The following DIP2C variants were observed in gnomAD, a reference collection of about 807,000 sequenced individuals.
DIP2C encodes the protein DIP2 acetate--CoA ligase C (putative).
Under a neutral mutation model 192.4 loss-of-function variants are expected in DIP2C, and 33 were observed. That is an observed-to-expected ratio of 0.17 (90% CI 0.13 to 0.23). The LOEUF is 0.23. DIP2C is among the 10% of genes least tolerant of loss of function. The pLI is 1.00. For missense variants in DIP2C, 1,537 were observed against 2,110.1 expected (o/e 0.73, Z 5.32); for synonymous variants, 979 against 864.1 (o/e 1.13, Z -2.33).
intron 29 of DIP2C, among the ~76,000 whole-genome samples, chr10:339,465 C>A (rs1275841957): frequency 1.3e-5 from 2 of 150,060 alleles, no homozygotes; most frequent in African/African-American, 5.0e-5. Flanking sequence ...TGGGTTCACA[C>A]GGAGAACTTA....
intron 1 of DIP2C, among the ~76,000 whole-genome samples, chr10:649,458 C>G (rs572104200): frequency 7.2e-4 from 110 of 152,334 alleles, no homozygotes; most frequent in Non-Finnish European, 1.2e-3. Context: ...TCCCCTTGAC[C>G]TTCACGAATT....
In DIP2C at chr10:627,534, C is replaced by G. The variant is rs146540999; in HGVS notation, c.85+61960G>C. On this transcript the variant is annotated intron_variant, in intron 1 of 36. Coordinates refer to ENST00000280886, the MANE Select transcript of DIP2C (RefSeq NM_014974.3). ...GATGTCCACCCAGGGCAGACAGTGT[C>G]TTCAACCGAGCGCCACTGACCCAGA... Among the ~76,000 whole-genome samples, 456 of 152,352 alleles carry G rather than the reference C, an allele frequency of 3.0e-3. 5 individuals are homozygous for G. The highest frequency in any genetic ancestry group is 5.4e-3 in the Non-Finnish European group (364 of 68,030).
chr10:587,112 G>A lies in DIP2C; in HGVS notation c.86-100582C>T, dbSNP rs568942743. On this transcript the variant is annotated intron_variant, in intron 1 of 36. Coordinates refer to ENST00000280886, the MANE Select transcript of DIP2C (RefSeq NM_014974.3). ...GACCACCCGGATCCCTGCTGATAGC[G>A]TGGCGAGGGGCAAACAGTGCAGGGT... Among the ~76,000 whole-genome samples, 644 of 148,318 alleles carry A rather than the reference G, an allele frequency of 4.3e-3. 3 individuals carry two copies. Among genetic ancestry groups the A allele is most frequent in the African/African-American group, 0.015 (596 of 40,120 alleles).
chr10:596,670 G>A (rs1228200679), intron 1 of DIP2C, among the ~76,000 whole-genome samples: 1 of 152,188 alleles, frequency 6.6e-6, no homozygotes, highest in Non-Finnish European at 1.5e-5. Context: ...CCCAAGGAAG[G>A]AAGGCACATA....
intron 3 of DIP2C, among the ~76,000 whole-genome samples, chr10:451,811 G>T (rs1251144256): frequency 6.6e-6 from 1 of 152,176 alleles, no homozygotes; most frequent in Non-Finnish European, 1.5e-5. Flanking sequence ...CAATCATGTG[G>T]GGAAGGATGG....
At chr10:323,202 G>GC (rs768382167) in intron 31 of DIP2C, among the ~76,000 whole-genome samples, 3 of 4,722 alleles carry the variant, frequency 6.4e-4, no homozygotes, top group Admixed American at 2.1e-3. Flanking sequence ...GGGTGCGGGG[G>GC]TCCGGCGAGA....
intron 1 of DIP2C, among the ~76,000 whole-genome samples, chr10:551,510 TG>T (rs11287043): frequency 0.32 from 48,459 of 152,170 alleles, 12,649 homozygotes; most frequent in African/African-American, 0.73. Context: ...AAGCCCTTCC[TG>T]GCTCAAGAGG....
rs533574270 is a variant in DIP2C at position 674,631 on chromosome 10, T to C, written c.85+14863A>G. ...CTAAATAGAAAAAATTAACCGAGCA[T>C]GGTGGCACATGCCTGCAATCCCAGC... is the stretch of plus-strand genomic sequence containing the variant. On this transcript the variant is annotated intron_variant, in intron 1 of 36. Coordinates refer to ENST00000280886, the MANE Select transcript of DIP2C (RefSeq NM_014974.3). 1.9e-4 allele frequency among the ~76,000 whole-genome samples: 29 copies of C among 151,760 alleles called. No homozygotes were observed. In the East Asian group the frequency reaches 4.6e-3, roughly 24 times the overall value.
At chr10:356,656 G>C in intron 23 of DIP2C, 150 bp from the exon 24 acceptor site, 1 of 622,970 alleles carries the variant, frequency 1.6e-6, no homozygotes, top group Non-Finnish European at 2.8e-6. Flanking sequence ...TTGAAGACAT[G>C]CATGCTGGGA....
chr10:401,271 G>C (rs12770791), intron 9 of DIP2C, among the ~76,000 whole-genome samples: 1 of 108,448 alleles, frequency 9.2e-6, no homozygotes, highest in Admixed American at 9.5e-5. Flanking sequence ...TTTACATGTG[G>C]GGTAGCATTA....
chr10:318,039 G>A (rs1012467968), intron 31 of DIP2C, among the ~76,000 whole-genome samples: 1 of 152,190 alleles, frequency 6.6e-6, no homozygotes, highest in African/African-American at 2.4e-5. Context: ...TGCATGAAGG[G>A]CAAGTGCCTG....
intron 9 of DIP2C, among the ~76,000 whole-genome samples, chr10:408,275 C>T (rs1420045701): frequency 6.6e-6 from 1 of 150,498 alleles, no homozygotes; most frequent in Non-Finnish European, 1.5e-5. Flanking sequence ...ATCTCTGGGC[C>T]CTTTATTCTG....
intron 1 of DIP2C, among the ~76,000 whole-genome samples, chr10:625,555 G>A (rs12248693): frequency 0.016 from 2,432 of 152,240 alleles, 74 homozygotes; most frequent in African/African-American, 0.056. Flanking sequence ...CAGCGTGACC[G>A]TCGCCCACAG....
chr10:368,431 G>C (rs1460995946), intron 18 of DIP2C, among the ~76,000 whole-genome samples: 2 of 152,244 alleles, frequency 1.3e-5, no homozygotes, highest in Admixed American at 1.3e-4. Context: ...CAGGGAGTGG[G>C]CTGGACACAG....
At chr10:413,854 G>T in intron 8 of DIP2C, 59 bp downstream of exon 8, 1 of 1,576,218 alleles carries the variant, frequency 6.3e-7, no homozygotes, top group Non-Finnish European at 8.7e-7. Context: ...AGTTTCCTGC[G>T]TTCGGGAGTG....
chr10:370,129 G>T (rs185094992), intron 17 of DIP2C: 3 of 786,948 alleles, frequency 3.8e-6, no homozygotes, highest in Admixed American at 6.2e-5. Flanking sequence ...CTGCCTGGGC[G>T]TATGCCCAAT....
At chr10:437,137 GCT>G (rs1344908462) in intron 4 of DIP2C, among the ~76,000 whole-genome samples, 1 of 102,694 alleles carries the variant, frequency 9.7e-6, no homozygotes, top group Non-Finnish European at 1.9e-5. Flanking sequence ...CCACACCTGA[GCT>G]CTGAGCTCCG....
intron 7 of DIP2C, among the ~76,000 whole-genome samples, chr10:414,852 T>TGTG (rs1965503138): frequency 1.0e-5 from 1 of 98,860 alleles, no homozygotes; most frequent in African/African-American, 4.1e-5. Flanking sequence ...ACATATATAT[T>TGTG]TGTGTGTGTG....
chr10:543,240 G>A (rs1261996824), intron 1 of DIP2C, among the ~76,000 whole-genome samples: 2 of 152,326 alleles, frequency 1.3e-5, no homozygotes, highest in African/African-American at 2.4e-5. Context: ...CTTCCCACTC[G>A]CCTGTCCTCT....
Sources: gnomAD v4.1 joint callset for allele counts (sites outside exome capture counted in the v4.1 genomes callset) on GRCh38, gnomAD v4.1.1 for gene constraint, MANE v1.5 for transcripts, NCBI Gene and HGNC (gene_info 2026-07-23, HGNC 2026-07-21) for gene names.